The following FAM53B variants were observed in gnomAD, a reference collection of about 807,000 sequenced individuals.
FAM53B encodes the protein family with sequence similarity 53 member B.
Under a neutral mutation model 32.7 loss-of-function variants are expected in FAM53B, and 12 were observed. The observed-to-expected ratio is 0.37, with a 90% confidence interval of 0.24 to 0.59. The LOEUF (loss-of-function observed/expected upper bound fraction) is 0.59. Among genes scored for constraint, FAM53B ranks in the 20% least tolerant of loss-of-function variants. FAM53B has a pLI of 0.72. For missense variants in FAM53B, 477 were observed against 577.7 expected, an observed-to-expected ratio of 0.83 and a Z score of 1.79; for synonymous variants, 234 against 228.7, an observed-to-expected ratio of 1.02 and a Z score of -0.21.
chr10:124,679,529 C>G (rs557207190), intron 4 of FAM53B, among the ~76,000 whole-genome samples: 13 of 152,364 alleles, frequency 8.5e-5, no homozygotes, highest in Non-Finnish European at 1.5e-4. Context: ...GCAGGCAGAG[C>G]CCCATGGAGA....
intron 2 of FAM53B, among the ~76,000 whole-genome samples, chr10:124,702,046 T>C (rs1305849677): frequency 6.6e-6 from 1 of 152,114 alleles, no homozygotes; most frequent in African/African-American, 2.4e-5. Context: ...ACACCCAGGG[T>C]TGCGAGGACC....
In FAM53B at chr10:124,623,613, G is replaced by A. The variant is rs777328386; in HGVS notation, c.907-9C>T. 3.1e-6 allele frequency: 5 copies of A among 1,606,792 alleles called. No individual in the cohort carries two copies. Among genetic ancestry groups the A allele is most frequent in the Admixed American group, 1.7e-5 (1 of 59,494 alleles). On this transcript the variant is annotated splice_polypyrimidine_tract_variant and intron_variant, in intron 4 of 4. Transcript: ENST00000337318. ...CTGAAGGTCTGACAGTTCTGTGGAG[G>A]GGCAGACACACAGGTTACTAAGGGT...
chr10:124,626,402 C>G (rs948186451), intron 4 of FAM53B, among the ~76,000 whole-genome samples: 35 of 136,764 alleles, frequency 2.6e-4, no homozygotes, highest in African/African-American at 9.1e-4. Context: ...CCCCCCCCCC[C>G]ACCATTCCTC....
intron 1 of FAM53B, among the ~76,000 whole-genome samples, chr10:124,717,362 G>A (rs919422261): frequency 6.6e-6 from 1 of 152,244 alleles, no homozygotes; most frequent in Non-Finnish European, 1.5e-5. Flanking sequence ...TCTGGAGAGA[G>A]CATGAAAATC....
chr10:124,679,287 C>T (rs910082365), intron 4 of FAM53B, among the ~76,000 whole-genome samples: 3 of 152,208 alleles, frequency 2.0e-5, no homozygotes, highest in Non-Finnish European at 4.4e-5. Flanking sequence ...AGCCACAGCA[C>T]GCAGAGGCTG....
chr10:124,713,749 T>A (rs181536671), intron 1 of FAM53B: 26 of 152,356 alleles, frequency 1.7e-4, no homozygotes, highest in African/African-American at 6.0e-4. Flanking sequence ...ACGTACTACT[T>A]GCACACATTA....
chr10:124,706,784 G>A lies in FAM53B; in HGVS notation c.-71C>T, dbSNP rs369555829. Reference sequence around the variant, plus strand: ...CCATCTTCACTTGGGCAGACTTGGGGTGAGTACCTCCTGGGGAATTGATGT... The same window carrying A: ...CCATCTTCACTTGGGCAGACTTGGGATGAGTACCTCCTGGGGAATTGATGT... On this transcript the variant is annotated 5_prime_UTR_variant, in exon 2 of 5. Transcript: ENST00000337318. 159 of 1,609,774 alleles carry A rather than the reference G, an allele frequency of 9.9e-5. 1 individual carries two copies. The East Asian group carries it at 2.8e-3, about 28-fold the overall frequency.
chr10:124,684,710 G>A (rs1223225311), intron 3 of FAM53B, among the ~76,000 whole-genome samples: 1 of 151,958 alleles, frequency 6.6e-6, no homozygotes, highest in African/African-American at 2.4e-5. Flanking sequence ...GTAGACATGG[G>A]GTTTCACCAT....
At chr10:124,691,703 GTGGTGAA>G (rs1949833313) in intron 3 of FAM53B, among the ~76,000 whole-genome samples, 1 of 152,230 alleles carries the variant, frequency 6.6e-6, no homozygotes, top group Admixed American at 6.5e-5. Context: ...TTAGCCAAGG[GTGGTGAA>G]TGGAGACTGC....
chr10:124,655,092 C>T (rs1024674803), intron 4 of FAM53B, among the ~76,000 whole-genome samples: 14 of 152,142 alleles, frequency 9.2e-5, no homozygotes, highest in African/African-American at 3.1e-4. Context: ...CTCCAGGGCC[C>T]GGGGCTGCCT....
intron 1 of FAM53B, among the ~76,000 whole-genome samples, chr10:124,723,653 AAG>A (rs1278304979): frequency 2.0e-5 from 3 of 152,160 alleles, no homozygotes; most frequent in African/African-American, 7.2e-5. Context: ...TTTTAGGAGG[AAG>A]AGTCTTGCTG....
intron 4 of FAM53B, among the ~76,000 whole-genome samples, chr10:124,652,082 G>A (rs960619883): frequency 6.6e-6 from 1 of 152,162 alleles, no homozygotes; most frequent in Non-Finnish European, 1.5e-5. Flanking sequence ...ATGCTTTTGA[G>A]GCTGGAATTA....
At chr10:124,679,129 A>G (rs1949753528) in intron 4 of FAM53B, among the ~76,000 whole-genome samples, 1 of 152,222 alleles carries the variant, frequency 6.6e-6, no homozygotes, top group Non-Finnish European at 1.5e-5. Flanking sequence ...ACGAAAGAGA[A>G]GCCAGAGCCC....
At chr10:124,729,595 AGGGAGTG>A (rs999096865) in intron 1 of FAM53B, among the ~76,000 whole-genome samples, 4 of 152,202 alleles carry the variant, frequency 2.6e-5, no homozygotes, top group Non-Finnish European at 4.4e-5. Context: ...CTGATTACAG[AGGGAGTG>A]GGCATTGTTT....
At position 124,621,688 on chromosome 10, in the gene FAM53B, T is replaced by C. The variant is rs1396855151; in HGVS notation, c.*1554A>G. ...CAACGTTTCCCAAAAAGCATCTTTC[T>C]TGAGGAGAAAGAAGGTGAGAAGCAT... On this transcript the variant is annotated 3_prime_UTR_variant, in exon 5 of 5. Transcript: ENST00000337318. 1 of 152,220 alleles carries C rather than the reference T, an allele frequency of 6.6e-6. No homozygotes were observed. Among genetic ancestry groups the C allele is most frequent in the Non-Finnish European group, 1.5e-5 (1 of 68,040 alleles). 9.4% of individuals were successfully genotyped at this position (152,220 alleles called of 1,614,324 possible). A position where few individuals can be genotyped will look rare whatever the true frequency, so the allele number is the denominator to read the frequency against.
At chr10:124,720,552 T>C (rs1950062816) in intron 1 of FAM53B, among the ~76,000 whole-genome samples, 1 of 152,176 alleles carries the variant, frequency 6.6e-6, no homozygotes, top group Non-Finnish European at 1.5e-5. Flanking sequence ...ATTGATGAAA[T>C]TTAACAAGTA....
At chr10:124,670,750 C>T (rs1215767760) in intron 4 of FAM53B, among the ~76,000 whole-genome samples, 1 of 152,230 alleles carries the variant, frequency 6.6e-6, no homozygotes, top group Non-Finnish European at 1.5e-5. Flanking sequence ...CCTGTCCCTC[C>T]AATCTAAAGC....
intron 4 of FAM53B, among the ~76,000 whole-genome samples, chr10:124,646,214 C>T (rs930551610): frequency 6.6e-6 from 1 of 152,246 alleles, no homozygotes; most frequent in Non-Finnish European, 1.5e-5. Flanking sequence ...AGCCCCATGT[C>T]ACTCCACATC....
intron 4 of FAM53B, among the ~76,000 whole-genome samples, chr10:124,670,993 G>A (rs559865124): frequency 2.4e-4 from 37 of 152,350 alleles, no homozygotes; most frequent in African/African-American, 4.3e-4. Flanking sequence ...GAACTAGGAC[G>A]GAGCTGCGAT....
Sources: allele counts gnomAD v4.1 joint callset (sites outside exome capture counted in the v4.1 genomes callset), GRCh38; gene constraint gnomAD v4.1.1; transcripts MANE v1.5; gene names NCBI Gene and HGNC (gene_info 2026-07-23, HGNC 2026-07-21).